The following MTUS1 variants were observed in gnomAD, a reference collection of about 807,000 sequenced individuals.
MTUS1 encodes microtubule associated scaffold protein 1.
In MTUS1, 109 loss-of-function variants were observed where a neutral mutation model predicts 120.8. The ratio of observed to expected loss-of-function variants is 0.90; its 90% CI spans 0.77 to 1.06. The LOEUF is 1.06. Among genes scored for constraint, MTUS1 ranks in the 50% least tolerant of loss-of-function variants. MTUS1 has a pLI of 0.00. For missense variants in MTUS1, 2,210 were observed against 1,486.3 expected (o/e 1.49, Z -8.01); for synonymous variants, 737 against 550.5 (o/e 1.34, Z -4.74).
chr8:17,779,249 T>C (rs75324287), intron 1 of MTUS1, among the ~76,000 whole-genome samples: 1 of 152,206 alleles, frequency 6.6e-6, no homozygotes, highest in Non-Finnish European at 1.5e-5. Flanking sequence ...TTTGCTGTGA[T>C]AAGGATTATG....
intron 6 of MTUS1, among the ~76,000 whole-genome samples, chr8:17,704,575 A>G (rs7461619): frequency 0.99 from 150,541 of 152,308 alleles, 74,419 homozygotes; most frequent in East Asian, 1. Context: ...AAGATTAGCT[A>G]ACCGTATATG....
intron 1 of MTUS1, among the ~76,000 whole-genome samples, chr8:17,771,018 A>G (rs2049983489): frequency 6.6e-6 from 1 of 152,220 alleles, no homozygotes; most frequent in Non-Finnish European, 1.5e-5. Flanking sequence ...TAAGATGTTA[A>G]GTATGCATCT....
Position 17,771,140 on chromosome 8 carries a change from T to C in MTUS1, c.-154-15179A>G, listed in dbSNP as rs1432939834. ...TACCAATAAGTTCTTAGGAGTGTTA[T>C]ATCCTTTAAACTTAGGAACTTCAGA... On this transcript the variant is annotated intron_variant, in intron 1 of 14. Coordinates refer to ENST00000693296, the MANE Select transcript of MTUS1 (RefSeq NM_001363059.2). Among the ~76,000 whole-genome samples, 5 of 152,182 alleles carry C rather than the reference T, an allele frequency of 3.3e-5. No individual in the cohort carries two copies. The East Asian group carries it at 9.6e-4, about 29-fold the overall frequency.
chr8:17,766,381 C>CCTT (rs921026765), intron 1 of MTUS1, among the ~76,000 whole-genome samples: 3 of 152,308 alleles, frequency 2.0e-5, no homozygotes, highest in African/African-American at 7.2e-5. Context: ...ATACAAGTCT[C>CCTT]CTTCCTCCAT....
In MTUS1 at chr8:17,649,903, C is replaced by G. The variant is rs200996434; in HGVS notation, c.3444G>C (p.Glu1148Asp). Residue 1148 changes from glutamate to aspartate, a missense_variant, in exon 13 of 15, where the codon GAG (glutamate) becomes GAC (aspartate). Physicochemically the swap from Glu to Asp is conservative, Grantham distance 45. Coordinates refer to ENST00000693296, the MANE Select transcript of MTUS1 (RefSeq NM_001363059.2). The part of the protein sequence containing the change: ...QELESLKAVL[E>D]IKNEKLHQQD... ...GTTGATGCAGTTTCTCATTCTTGAT[C>G]TCTAACACAGCTTTCAGGCTTTCTA... 1.8e-3 allele frequency: 2,929 copies of G among 1,612,538 alleles called. 76 individuals are homozygous for G. In the South Asian group the frequency reaches 0.03, roughly 16 times the overall value.
chr8:17,724,197 C>A (rs188432374), intron 3 of MTUS1: 3 of 434,796 alleles, frequency 6.9e-6, no homozygotes, highest in South Asian at 3.4e-5. Context: ...GATACGACCC[C>A]CCATACTGGT....
chr8:17,662,152 G>A (rs936201338), intron 8 of MTUS1, among the ~76,000 whole-genome samples: 24 of 151,950 alleles, frequency 1.6e-4, no homozygotes, highest in Non-Finnish European at 2.4e-4. Flanking sequence ...ACCTGTGTGT[G>A]CTCTCACTCC....
intron 1 of MTUS1, among the ~76,000 whole-genome samples, chr8:17,793,507 G>C (rs1383026458): frequency 6.6e-6 from 1 of 152,124 alleles, no homozygotes; most frequent in Non-Finnish European, 1.5e-5. Flanking sequence ...AAATTCCCAT[G>C]CCATCAGAGC....
intron 1 of MTUS1, among the ~76,000 whole-genome samples, chr8:17,787,629 C>G (rs77982533): frequency 0.025 from 3,822 of 152,264 alleles, 158 homozygotes; most frequent in African/African-American, 0.087. Context: ...AAATATTCTT[C>G]GCCTCATTTT....
rs777939787 is a variant in MTUS1, at chr8:17,646,074, C to T, written c.3665G>A (p.Arg1222Gln). Residue 1222 changes from arginine to glutamine, a missense_variant, in exon 15 of 15, where the codon CGA becomes CAA. Physicochemically the swap from Arg to Gln is conservative, Grantham distance 43. Transcript: ENST00000693296. ...AAGCTCCTCGTTTTCCATAGAGAGT[C>T]GCTTGTTGACTTTCGACTCCTTCTC... ...SLEKESKVNK[R>Q]LSMENEELLW... 6.8e-6 allele frequency: 11 copies of T among 1,613,200 alleles called. No homozygotes were observed. The highest frequency in any genetic ancestry group is 1.7e-4 in the Middle Eastern group (1 of 6,004).
intron 1 of MTUS1, among the ~76,000 whole-genome samples, chr8:17,798,090 T>C (rs116252016): frequency 7.3e-4 from 111 of 152,248 alleles, no homozygotes; most frequent in African/African-American, 2.6e-3. Context: ...ATACTACAAA[T>C]AGATTACTGA....
chr8:17,756,861 A>C (rs569953404), intron 1 of MTUS1, among the ~76,000 whole-genome samples: 2 of 152,296 alleles, frequency 1.3e-5, no homozygotes, highest in African/African-American at 4.8e-5. Context: ...CACTGAGAAG[A>C]GTAGGAGAGC....
At chr8:17,731,229 G>A (rs559314455) in intron 3 of MTUS1, among the ~76,000 whole-genome samples, 8 of 152,168 alleles carry the variant, frequency 5.3e-5, no homozygotes, top group South Asian at 2.1e-4. Context: ...GAAGCAGAAC[G>A]GTACAGTAGT....
At chr8:17,687,551 T>G (rs1475857675) in intron 6 of MTUS1, among the ~76,000 whole-genome samples, 1 of 152,240 alleles carries the variant, frequency 6.6e-6, no homozygotes, top group Non-Finnish European at 1.5e-5. Context: ...TTTTGTTTAC[T>G]GTACCTATTA....
intron 1 of MTUS1, among the ~76,000 whole-genome samples, chr8:17,791,705 T>G (rs759634261): frequency 3.9e-5 from 6 of 152,180 alleles, no homozygotes; most frequent in Admixed American, 2.6e-4. Context: ...ACAAATCAAT[T>G]CCTCCTAAGG....
intron 13 of MTUS1, among the ~76,000 whole-genome samples, chr8:17,649,018 C>T (rs1168246549): frequency 6.6e-6 from 1 of 152,248 alleles, no homozygotes; most frequent in African/African-American, 2.4e-5. Context: ...CTGTTCTAGA[C>T]ACTGCAAAGT....
chr8:17,728,319 G>A lies in MTUS1; in HGVS notation c.2288-4486C>T, dbSNP rs577025808. ...AGTAGAGATGGGGTTTCATCAGGCT[G>A]GTCTCAAACTCCTGACCTTAAGTGA... On this transcript the variant is annotated intron_variant, in intron 3 of 14. Coordinates refer to ENST00000693296, the MANE Select transcript of MTUS1 (RefSeq NM_001363059.2). Among the ~76,000 whole-genome samples, 3 of 152,234 alleles carry A rather than the reference G, an allele frequency of 2.0e-5. No individual in the cohort carries two copies. In the South Asian group the frequency reaches 6.2e-4, roughly 32 times the overall value.
chr8:17,670,695 C>T (rs1422932889), intron 8 of MTUS1, among the ~76,000 whole-genome samples: 6 of 152,018 alleles, frequency 3.9e-5, no homozygotes, highest in African/African-American at 1.5e-4. Flanking sequence ...TGGTGGTATG[C>T]ACCTATAATC....
intron 7 of MTUS1, among the ~76,000 whole-genome samples, chr8:17,682,514 TCCCA>T (rs1814774406): frequency 1.7e-5 from 1 of 58,134 alleles, no homozygotes; most frequent in African/African-American, 6.4e-5. Flanking sequence ...CAAGACTCCA[TCCCA>T]AAAAAAAAAA....
Sources: allele counts gnomAD v4.1 joint callset (sites outside exome capture counted in the v4.1 genomes callset), GRCh38; gene constraint gnomAD v4.1.1; transcripts MANE v1.5; gene names NCBI Gene and HGNC (gene_info 2026-07-23, HGNC 2026-07-21).